YAF2: variants seen among roughly 807,000 people sequenced by gnomAD.
YAF2 encodes the protein YY1 associated factor 2.
Under a neutral mutation model 20.1 loss-of-function variants are expected in YAF2, and 7 were observed. That is an observed-to-expected ratio of 0.35 (90% CI 0.20 to 0.65). YAF2 has a LOEUF of 0.65. YAF2 is among the 30% of genes least tolerant of loss of function. The probability of loss-of-function intolerance (pLI) is 0.69; values close to 1 mark genes in which losing one functional copy is unlikely to be tolerated. For synonymous variants in YAF2, 74 were observed against 76.0 expected, an observed-to-expected ratio of 0.97 and a Z score of 0.14; for missense variants, 151 against 219.2, an observed-to-expected ratio of 0.69 and a Z score of 1.96.
chr12:42,202,897 A>C (rs891014206), intron 2 of YAF2, among the ~76,000 whole-genome samples: 1 of 152,296 alleles, frequency 6.6e-6, no homozygotes, highest in Non-Finnish European at 1.5e-5. Flanking sequence ...TCCGCCTCTC[A>C]AAGTGCTGAG....
intron 2 of YAF2, chr12:42,235,816 G>A: frequency 6.5e-7 from 1 of 1,535,666 alleles, no homozygotes; most frequent in Non-Finnish European, 8.7e-7. Context: ...TTTAAACTAG[G>A]CCCACTTCTC....
chr12:42,183,982 T>C (rs1776126119), intron 2 of YAF2, among the ~76,000 whole-genome samples: 1 of 152,192 alleles, frequency 6.6e-6, no homozygotes, highest in Non-Finnish European at 1.5e-5. Context: ...TTATGCTAAA[T>C]ATACTCTGCC....
chr12:42,205,187 T>A (rs895460953), intron 2 of YAF2, among the ~76,000 whole-genome samples: 3 of 151,984 alleles, frequency 2.0e-5, no homozygotes, highest in Non-Finnish European at 4.4e-5. Flanking sequence ...AACTCATTTT[T>A]AAAATTTATA....
intron 2 of YAF2, among the ~76,000 whole-genome samples, chr12:42,206,799 T>C (rs1293679604): frequency 6.6e-6 from 1 of 152,132 alleles, no homozygotes; most frequent in Non-Finnish European, 1.5e-5. Flanking sequence ...AAAAGTTCTA[T>C]TATTCCCATT....
intron 2 of YAF2, among the ~76,000 whole-genome samples, chr12:42,211,119 C>A (rs1423724154): frequency 2.6e-5 from 4 of 152,134 alleles, no homozygotes; most frequent in Non-Finnish European, 4.4e-5. Flanking sequence ...ATACAATTCT[C>A]ATTTTATCAC....
intron 2 of YAF2, chr12:42,199,087 G>T: frequency 9.7e-7 from 1 of 1,027,528 alleles, no homozygotes; most frequent in Non-Finnish European, 1.3e-6. Context: ...TTCCTCTTGG[G>T]TACATCTTCA....
At chr12:42,233,710 A>T in intron 2 of YAF2, 1 of 876,744 alleles carries the variant, frequency 1.1e-6, no homozygotes, top group Non-Finnish European at 1.4e-6. Flanking sequence ...ACGAGATCTC[A>T]CTGTGTTGCC....
chr12:42,199,144 C>T (rs1359242895), intron 2 of YAF2: 1 of 1,288,260 alleles, frequency 7.8e-7, no homozygotes, highest in East Asian at 5.6e-5. Context: ...ACCAGACTGT[C>T]CAAAAAAGAG....
intron 2 of YAF2, chr12:42,210,263 C>A (rs910681516): frequency 2.9e-6 from 2 of 686,514 alleles, no homozygotes; most frequent in African/African-American, 3.6e-5. Flanking sequence ...TCCCAAGTAA[C>A]TTCCTTTCTT....
At position 42,165,968 on chromosome 12, in the gene YAF2, A is replaced by C. The variant is rs1451236149; in HGVS notation, c.153-4203T>G. The stretch of plus-strand genomic sequence containing the variant: ...AGTCTCACACTGTCACCCAGGCTGG[A>C]GTGCGGTGGCGTGATCTTGGCTCAA... On this transcript the variant is annotated intron_variant, in intron 2 of 3. Coordinates refer to ENST00000534854, the MANE Select transcript of YAF2 (RefSeq NM_005748.6). Among the ~76,000 whole-genome samples the C allele has an allele frequency of 4.0e-5, 6 of 151,520 alleles. No individual in the cohort carries two copies. In the East Asian group the frequency reaches 1.2e-3, roughly 30 times the overall value.
chr12:42,208,370 G>A (rs2067112033), intron 2 of YAF2, among the ~76,000 whole-genome samples: 1 of 152,048 alleles, frequency 6.6e-6, no homozygotes, highest in African/African-American at 2.4e-5. Context: ...AGGTTGCAGT[G>A]AACGGATATC....
intron 2 of YAF2, among the ~76,000 whole-genome samples, chr12:42,221,631 A>C (rs755032658): frequency 1.4e-4 from 22 of 152,190 alleles, no homozygotes; most frequent in Non-Finnish European, 2.5e-4. Flanking sequence ...TACTGACCCA[A>C]GTCACAATAC....
intron 2 of YAF2, among the ~76,000 whole-genome samples, chr12:42,230,624 A>G (rs1212210401): frequency 3.9e-5 from 6 of 152,254 alleles, no homozygotes; most frequent in Non-Finnish European, 8.8e-5. Flanking sequence ...CTGTAACTAC[A>G]TAAAAGGAAA....
At chr12:42,218,510 T>A (rs1441563361) in intron 2 of YAF2, among the ~76,000 whole-genome samples, 1 of 152,200 alleles carries the variant, frequency 6.6e-6, no homozygotes, top group Non-Finnish European at 1.5e-5. Context: ...ATCCCCTTTT[T>A]AAAATGTATG....
At chr12:42,221,485 G>C (rs529977967) in intron 2 of YAF2, among the ~76,000 whole-genome samples, 2 of 152,172 alleles carry the variant, frequency 1.3e-5, no homozygotes, top group African/African-American at 4.8e-5. Context: ...CTTGAGCCCA[G>C]GAGTTTGAAG....
At chr12:42,202,407 C>T (rs539854100) in intron 2 of YAF2, among the ~76,000 whole-genome samples, 12 of 152,278 alleles carry the variant, frequency 7.9e-5, no homozygotes, top group South Asian at 2.1e-4. Context: ...GGCTCCCTCA[C>T]GATCCTTACC....
At chr12:42,207,544 AT>A (rs2137203372) in intron 2 of YAF2, among the ~76,000 whole-genome samples, 1 of 152,334 alleles carries the variant, frequency 6.6e-6, no homozygotes, top group South Asian at 2.1e-4. Flanking sequence ...TAAGAAAAAA[AT>A]ATGGTACAAA....
chr12:42,204,770 C>T (rs1484567378), intron 2 of YAF2, among the ~76,000 whole-genome samples: 4 of 152,136 alleles, frequency 2.6e-5, no homozygotes, highest in Non-Finnish European at 4.4e-5. Flanking sequence ...ACATATGCTA[C>T]AATGCGGATA....
rs1354782457 is a variant in YAF2, at chr12:42,237,790, C to T, written c.27-66G>A. On this transcript the variant is annotated intron_variant, in intron 1 of 3. Coordinates refer to ENST00000534854, the MANE Select transcript of YAF2 (RefSeq NM_005748.6). Reference sequence around the variant, plus strand: ...CAGCAGGCCGCGCCCGGTGCCCGGGCCCCGCGGCCGCCCCCGCCCCGCCCC... The same window carrying T: ...CAGCAGGCCGCGCCCGGTGCCCGGGTCCCGCGGCCGCCCCCGCCCCGCCCC... The T allele has an allele frequency of 1.1e-5, 13 of 1,186,610 alleles. No homozygotes were observed. In the African/African-American group the frequency reaches 1.7e-4, roughly 15 times the overall value. The allele number at this position is 1,186,610 out of a possible 1,614,324, so 73.5% of individuals were successfully genotyped here.
Sources: gnomAD v4.1 joint callset for allele counts (sites outside exome capture counted in the v4.1 genomes callset) on GRCh38, gnomAD v4.1.1 for gene constraint, MANE v1.5 for transcripts, NCBI Gene and HGNC (gene_info 2026-07-23, HGNC 2026-07-21) for gene names.